Variants in SLCO3A1 observed in about 807,000 individuals in gnomAD.
SLCO3A1 encodes the protein solute carrier organic anion transporter family member 3A1.
SLCO3A1 carries 27 observed loss-of-function variants against 63.1 expected under a neutral mutation model. That is an observed-to-expected ratio of 0.43 (90% CI 0.32 to 0.59). The LOEUF is 0.59. Among genes scored for constraint, SLCO3A1 ranks in the 20% least tolerant of loss-of-function variants. The pLI is 0.09. For missense variants in SLCO3A1, 773 were observed against 945.8 expected, an observed-to-expected ratio of 0.82 and a Z score of 2.40; for synonymous variants, 473 against 409.9, an observed-to-expected ratio of 1.15 and a Z score of -1.86.
intron 2 of SLCO3A1, among the ~76,000 whole-genome samples, chr15:92,027,688 G>A (rs143729270): frequency 1.1e-4 from 17 of 152,286 alleles, no homozygotes; most frequent in Admixed American, 2.6e-4. Flanking sequence ...GCTTTGTGCC[G>A]TTCAACATTT....
rs573097867 is a variant in SLCO3A1, at chr15:91,903,935, G to A, written c.181-12058G>A. Among the ~76,000 whole-genome samples, 6 of 152,282 alleles carry A rather than the reference G, an allele frequency of 3.9e-5. No homozygotes were observed. In the South Asian group the frequency reaches 1.2e-3, roughly 32 times the overall value. On this transcript the variant is annotated intron_variant, in intron 1 of 9. Transcript: ENST00000318445. Reference sequence around the variant, plus strand: ...TGAGGATTGGGTGTGCTTGTGGAGAGGGCAGGGGTGGAGCCGGTGGAGAGG... The same window carrying A: ...TGAGGATTGGGTGTGCTTGTGGAGAAGGCAGGGGTGGAGCCGGTGGAGAGG...
intron 2 of SLCO3A1, among the ~76,000 whole-genome samples, chr15:92,043,733 T>C (rs1040745319): frequency 6.6e-6 from 1 of 152,228 alleles, no homozygotes. Context: ...TGACAACCAC[T>C]TTCATAGATT....
In SLCO3A1 at chr15:91,894,105, C is replaced by G. The variant is rs545443232; in HGVS notation, c.181-21888C>G. Among the ~76,000 whole-genome samples, 1 of 152,190 alleles carries G rather than the reference C, an allele frequency of 6.6e-6. No individual in the cohort carries two copies. Among genetic ancestry groups the G allele is most frequent in the Admixed American group, 6.5e-5 (1 of 15,288 alleles). On this transcript the variant is annotated intron_variant, in intron 1 of 9. Coordinates refer to ENST00000318445, the MANE Select transcript of SLCO3A1 (RefSeq NM_013272.4). The surrounding 1 kb of genome is among the most constrained non-coding windows in gnomAD (Gnocchi z 4.8). Reference sequence around the variant, plus strand: ...TGTCATGATCTGGGATAAGAGTGTTCCAGGCAGATGCAGTAGCACATTGTC... The same window carrying G: ...TGTCATGATCTGGGATAAGAGTGTTGCAGGCAGATGCAGTAGCACATTGTC...
chr15:92,104,460 C>T lies in SLCO3A1; in HGVS notation c.927C>T (p.Tyr309=), dbSNP rs780192633. 46 of 1,614,048 alleles carry T rather than the reference C, an allele frequency of 2.8e-5. No homozygotes were observed. The highest frequency in any genetic ancestry group is 1.6e-4 in the Middle Eastern group (1 of 6,084). The change falls in exon 4 of 10, where the codon TAC becomes TAT. Residue 309 remains tyrosine, a synonymous_variant. Coordinates refer to ENST00000318445, the MANE Select transcript of SLCO3A1 (RefSeq NM_013272.4). ...AGGCCATGCTCTCCGAAAGAGAATA[C>T]GAGAGACCCAAGCCCAGCAACGGGG... ...SEQAMLSERE[Y]ERPKPSNGVL... is the part of the protein sequence containing the mutation.
intron 2 of SLCO3A1, among the ~76,000 whole-genome samples, chr15:91,928,830 T>G (rs1272287448): frequency 6.6e-6 from 1 of 152,216 alleles, no homozygotes; most frequent in Non-Finnish European, 1.5e-5. Context: ...TGAGAGAAGC[T>G]CACTCACCAG....
chr15:92,081,545 T>A (rs2047346556), intron 2 of SLCO3A1, among the ~76,000 whole-genome samples: 1 of 152,062 alleles, frequency 6.6e-6, no homozygotes, highest in African/African-American at 2.4e-5. Context: ...TTTTATATTT[T>A]TAGTAGAGAT....
chr15:92,163,210 C>CA lies in SLCO3A1; in HGVS notation c.*83dup, dbSNP rs1228930897. ...TTCTTAAAAAAAGAAAAAAAGGTTC[C>CA]AAAAAAAACCAAAACTCAGTACACA... On this transcript the variant is annotated 3_prime_UTR_variant, in exon 10 of 10. Coordinates refer to ENST00000318445, the MANE Select transcript of SLCO3A1 (RefSeq NM_013272.4). The CA allele has an allele frequency of 7.2e-5, 104 of 1,441,426 alleles. No individual in the cohort carries two copies. The highest frequency in any genetic ancestry group is 1.1e-4 in the South Asian group (7 of 61,008). The allele number at this position is 1,441,426 out of a possible 1,614,324, so 89.3% of individuals were successfully genotyped here. A position where few individuals can be genotyped will look rare whatever the true frequency, so the allele number is the denominator to read the frequency against.
chr15:91,897,731 G>A lies in SLCO3A1; in HGVS notation c.181-18262G>A, dbSNP rs536370536. Reference sequence around the variant, plus strand: ...GGTGTGCTCCCATGTGCTAGGCTGAGTCTACCCTGCAGCGTGGGCTCCAGC... The same window carrying A: ...GGTGTGCTCCCATGTGCTAGGCTGAATCTACCCTGCAGCGTGGGCTCCAGC... On this transcript the variant is annotated intron_variant, in intron 1 of 9. Coordinates refer to ENST00000318445, the MANE Select transcript of SLCO3A1 (RefSeq NM_013272.4). The surrounding 1 kb of genome is among the most constrained non-coding windows in gnomAD (Gnocchi z 4.7). 2.6e-5 allele frequency among the ~76,000 whole-genome samples: 4 copies of A among 152,284 alleles called. No homozygotes were observed. In the South Asian group the frequency reaches 8.3e-4, roughly 32 times the overall value.
intron 7 of SLCO3A1, among the ~76,000 whole-genome samples, chr15:92,144,256 A>G (rs1033920238): frequency 6.6e-6 from 1 of 152,086 alleles, no homozygotes; most frequent in Admixed American, 6.5e-5. Flanking sequence ...TACATGATGT[A>G]TACACAGGAG....
chr15:92,103,873 C>A (rs1596104423), intron 3 of SLCO3A1, among the ~76,000 whole-genome samples: 1 of 152,142 alleles, frequency 6.6e-6, no homozygotes, highest in East Asian at 1.9e-4. Context: ...AGTGGGATCT[C>A]GTGTGAGCTG....
At chr15:92,046,671 T>G (rs547550608) in intron 2 of SLCO3A1, among the ~76,000 whole-genome samples, 1 of 152,268 alleles carries the variant, frequency 6.6e-6, no homozygotes, top group South Asian at 2.1e-4. Context: ...GCATCAGTGT[T>G]GAAGAATCAA....
intron 2 of SLCO3A1, among the ~76,000 whole-genome samples, chr15:92,043,191 C>T (rs2046819692): frequency 8.5e-6 from 1 of 118,118 alleles, no homozygotes; most frequent in Non-Finnish European, 1.6e-5. Context: ...GAACCAGCCT[C>T]CTAGCCATGG....
chr15:92,041,979 C>T (rs1384665065), intron 2 of SLCO3A1, among the ~76,000 whole-genome samples: 1 of 152,040 alleles, frequency 6.6e-6, no homozygotes, highest in East Asian at 1.9e-4. Context: ...CCATGAGGCT[C>T]AGCTTCAAAC....
intron 2 of SLCO3A1, among the ~76,000 whole-genome samples, chr15:91,920,111 A>T (rs1898794682): frequency 6.6e-6 from 1 of 152,230 alleles, no homozygotes; most frequent in African/African-American, 2.4e-5. Flanking sequence ...ATGGATTTTT[A>T]AAATATTTGC....
chr15:91,858,382 AT>A (rs59237457), intron 1 of SLCO3A1, among the ~76,000 whole-genome samples: 210 of 150,720 alleles, frequency 1.4e-3, no homozygotes, highest in African/African-American at 4.2e-3. Flanking sequence ...AATTACCTTG[AT>A]TTTTTTTTTC....
chr15:92,103,298 C>T (rs1232320769), intron 3 of SLCO3A1, among the ~76,000 whole-genome samples: 1 of 152,090 alleles, frequency 6.6e-6, no homozygotes, highest in Non-Finnish European at 1.5e-5. Context: ...AAGCAGCTCA[C>T]CTGGGAGCTG....
At chr15:92,116,977 T>C (rs2047803496) in intron 4 of SLCO3A1, among the ~76,000 whole-genome samples, 1 of 152,230 alleles carries the variant, frequency 6.6e-6, no homozygotes, top group Non-Finnish European at 1.5e-5. Flanking sequence ...TTCTCAAACC[T>C]AATGATTTTT....
At chr15:91,931,405 C>T (rs547583547) in intron 2 of SLCO3A1, among the ~76,000 whole-genome samples, 2 of 151,928 alleles carry the variant, frequency 1.3e-5, no homozygotes, top group East Asian at 3.9e-4. Context: ...GCATCCTCTG[C>T]TGTCAGGTAG....
At chr15:92,148,011 G>C (rs908203745) in intron 8 of SLCO3A1, among the ~76,000 whole-genome samples, 1 of 152,174 alleles carries the variant, frequency 6.6e-6, no homozygotes, top group Non-Finnish European at 1.5e-5. Context: ...GAGCCCAGGG[G>C]TTTGAGACCA....
Sources: gnomAD v4.1 joint callset for allele counts (sites outside exome capture counted in the v4.1 genomes callset) on GRCh38, gnomAD v4.1.1 for gene constraint, Gnocchi (gnomAD v3.1) non-coding constraint, MANE v1.5 for transcripts, NCBI Gene and HGNC (gene_info 2026-07-23, HGNC 2026-07-21) for gene names.